The following PCCB variants were observed in gnomAD, a reference collection of about 807,000 sequenced individuals.
The protein encoded by PCCB is propionyl-CoA carboxylase beta chain, mitochondrial.
A neutral mutation model predicts 60.7 loss-of-function variants in PCCB; 43 were observed. The ratio of observed to expected loss-of-function variants is 0.71; its 90% CI spans 0.55 to 0.91. The LOEUF (loss-of-function observed/expected upper bound fraction) is 0.91, where lower values mean the gene tolerates loss of function less well. Among genes scored for constraint, PCCB ranks in the 40% least tolerant of loss-of-function variants. PCCB has a pLI of 0.00. For missense variants in PCCB, 766 were observed against 702.8 expected, an observed-to-expected ratio of 1.09 and a Z score of -1.02; for synonymous variants, 276 against 255.9, an observed-to-expected ratio of 1.08 and a Z score of -0.75.
intron 10 of PCCB, among the ~76,000 whole-genome samples, chr3:136,325,300 A>AT (rs1401892813): frequency 1.3e-5 from 2 of 151,782 alleles, no homozygotes; most frequent in East Asian, 3.9e-4. Flanking sequence ...CTGGGACTAC[A>AT]TTGTCTTTTT....
chr3:136,261,578 GA>G (rs34350990), intron 4 of PCCB, among the ~76,000 whole-genome samples: 49,117 of 151,770 alleles, frequency 0.32, 8,421 homozygotes, highest in African/African-American at 0.4. Context: ...CTGCTTTCAT[GA>G]AAGTACTACT....
intron 7 of PCCB, 58 bp from the exon 8 acceptor site, chr3:136,297,894 A>G (rs974325854): frequency 1.7e-5 from 28 of 1,610,540 alleles, no homozygotes; most frequent in Non-Finnish European, 2.4e-5. Context: ...GGCATGAAGC[A>G]GCAACTTTGG....
At chr3:136,324,863 G>T (rs772851465) in intron 10 of PCCB, among the ~76,000 whole-genome samples, 5 of 152,132 alleles carry the variant, frequency 3.3e-5, no homozygotes, top group Non-Finnish European at 7.4e-5. Flanking sequence ...TGGGACAAGT[G>T]TAATTAAAAA....
At chr3:136,272,278 A>AT (rs1466129841) in intron 5 of PCCB, among the ~76,000 whole-genome samples, 2 of 151,138 alleles carry the variant, frequency 1.3e-5, no homozygotes, top group African/African-American at 4.9e-5. Context: ...TTTGTTGAGG[A>AT]TTTTTGCATC....
At chr3:136,297,800 TG>T in intron 7 of PCCB, 151 bp from the exon 8 acceptor site, 1 of 823,524 alleles carries the variant, frequency 1.2e-6, no homozygotes, top group Non-Finnish European at 2.1e-6. Context: ...ATGTATTATG[TG>T]GCATTACATC....
At chr3:136,285,194 GGT>G (rs1933341767) in intron 6 of PCCB, among the ~76,000 whole-genome samples, 1 of 151,794 alleles carries the variant, frequency 6.6e-6, no homozygotes, top group African/African-American at 2.4e-5. Flanking sequence ...ACACCTAGCT[GGT>G]GCTACCCCCA....
intron 5 of PCCB, among the ~76,000 whole-genome samples, chr3:136,275,323 T>C (rs1304837931): frequency 6.6e-6 from 1 of 152,130 alleles, no homozygotes; most frequent in Non-Finnish European, 1.5e-5. Context: ...TTTTCCTTCA[T>C]ATTCTGAATT....
intron 5 of PCCB, among the ~76,000 whole-genome samples, chr3:136,268,052 G>T (rs536097866): frequency 1.0e-5 from 1 of 100,368 alleles, no homozygotes; most frequent in Non-Finnish European, 2.2e-5. Context: ...CCTGGCTAGT[G>T]TGTGTGTGTG....
intron 6 of PCCB, among the ~76,000 whole-genome samples, chr3:136,287,309 A>G (rs573679491): frequency 5.9e-5 from 9 of 152,176 alleles, no homozygotes; most frequent in South Asian, 2.1e-4. Context: ...TCTTGTGTGC[A>G]TGGCTTCTGG....
chr3:136,279,286 G>A (rs1004213772), intron 5 of PCCB, among the ~76,000 whole-genome samples: 2 of 152,042 alleles, frequency 1.3e-5, no homozygotes, highest in Non-Finnish European at 2.9e-5. Flanking sequence ...TTTATACTTA[G>A]CATGATTGCT....
chr3:136,288,611 T>C (rs540056399), intron 6 of PCCB, among the ~76,000 whole-genome samples: 1 of 151,870 alleles, frequency 6.6e-6, no homozygotes, highest in East Asian at 1.9e-4. Flanking sequence ...CCCAAAGTGC[T>C]GGGATTACGG....
Position 136,250,361 on chromosome 3 carries a change from G to A in PCCB, c.-15G>A, listed in dbSNP as rs2108127596. ...ACTCAGGTGCGCCGGTAGGGGACGC[G>A]CCGGCACAGCAAAAATGGCGGCGGC... On this transcript the variant is annotated 5_prime_UTR_variant, in exon 1 of 15. Coordinates refer to ENST00000251654, the MANE Select transcript of PCCB (RefSeq NM_000532.5). The A allele has an allele frequency of 6.6e-7, 1 of 1,507,056 alleles. No individual in the cohort carries two copies. The highest frequency in any genetic ancestry group is 8.9e-7 in the Non-Finnish European group (1 of 1,122,862). The allele number at this position is 1,507,056 out of a possible 1,614,324, so 93.4% of individuals were successfully genotyped here. A position where few individuals can be genotyped will look rare whatever the true frequency, so the allele number is the denominator to read the frequency against.
chr3:136,253,568 A>T (rs968275561), intron 1 of PCCB, among the ~76,000 whole-genome samples: 1 of 151,402 alleles, frequency 6.6e-6, no homozygotes, highest in African/African-American at 2.4e-5. Flanking sequence ...TATTTTTAGT[A>T]GAGACGGGGT....
chr3:136,317,668 T>C (rs1207851052), intron 10 of PCCB, among the ~76,000 whole-genome samples: 1 of 152,204 alleles, frequency 6.6e-6, no homozygotes, highest in Non-Finnish European at 1.5e-5. Flanking sequence ...CCCAGCTAAA[T>C]ATATGACTCA....
At chr3:136,328,723 C>T (rs561661328) in intron 13 of PCCB, 35 bp from the exon 14 acceptor site, 49 of 1,543,578 alleles carry the variant, frequency 3.2e-5, no homozygotes, top group South Asian at 2.1e-4. Flanking sequence ...CAGGTTGGGA[C>T]GACCAAAGAT....
intron 5 of PCCB, among the ~76,000 whole-genome samples, chr3:136,264,393 C>T (rs552620710): frequency 8.9e-5 from 13 of 145,626 alleles, no homozygotes; most frequent in African/African-American, 1.3e-4. Context: ...TTTCTATGTG[C>T]GCGCTCTCGC....
chr3:136,299,448 A>G (rs1281005263), intron 8 of PCCB, among the ~76,000 whole-genome samples: 10 of 151,870 alleles, frequency 6.6e-5, no homozygotes, highest in South Asian at 2.1e-4. Context: ...ATATATGCAT[A>G]TGTATGCATG....
intron 5 of PCCB, among the ~76,000 whole-genome samples, chr3:136,266,709 CCTT>C (rs1941992912): frequency 6.6e-6 from 1 of 152,098 alleles, no homozygotes; most frequent in South Asian, 2.1e-4. Context: ...CATTTGTAAA[CCTT>C]CTTTGCTGAA....
At chr3:136,283,073 C>A (rs940782613) in intron 5 of PCCB, among the ~76,000 whole-genome samples, 1 of 152,194 alleles carries the variant, frequency 6.6e-6, no homozygotes, top group Admixed American at 6.5e-5. Flanking sequence ...TTTGCACTGT[C>A]CTTAGCTGTG....
Sources: gnomAD v4.1 joint callset for allele counts (sites outside exome capture counted in the v4.1 genomes callset) on GRCh38, gnomAD v4.1.1 for gene constraint, MANE v1.5 for transcripts, NCBI Gene and HGNC (gene_info 2026-07-23, HGNC 2026-07-21) for gene names.